PKD2L1: variants seen among roughly 807,000 people sequenced by gnomAD.
PKD2L1 encodes the protein polycystin 2 like 1, transient receptor potential cation channel.
A neutral mutation model predicts 93.0 loss-of-function variants in PKD2L1; 77 were observed. That is an observed-to-expected ratio of 0.83 (90% CI 0.69 to 1.00). The LOEUF (loss-of-function observed/expected upper bound fraction) is 1.00. PKD2L1 is among the 50% of genes least tolerant of loss of function. PKD2L1 has a pLI of 0.00. For missense variants in PKD2L1, 977 were observed against 990.9 expected (o/e 0.99, Z 0.19); for synonymous variants, 390 against 388.0 (o/e 1.01, Z -0.06).
chr10:100,315,088 A>G (rs1589677500), intron 2 of PKD2L1, among the ~76,000 whole-genome samples: 2 of 55,944 alleles, frequency 3.6e-5, no homozygotes, highest in Non-Finnish European at 7.5e-5. Context: ...AGGGAAGGGA[A>G]GGGAAGGGAA....
chr10:100,322,044 G>A (rs558890316), intron 2 of PKD2L1, among the ~76,000 whole-genome samples: 7 of 151,796 alleles, frequency 4.6e-5, no homozygotes, highest in African/African-American at 9.7e-5. Flanking sequence ...TGGGCAACAC[G>A]GGGAAGCCCC....
chr10:100,327,074 A>G (rs1849395637), intron 2 of PKD2L1, among the ~76,000 whole-genome samples: 1 of 152,186 alleles, frequency 6.6e-6, no homozygotes, highest in South Asian at 2.1e-4. Flanking sequence ...TGAGCCTCTG[A>G]GGGGAAAGGC....
At chr10:100,322,224 C>T (rs953245961) in intron 2 of PKD2L1, among the ~76,000 whole-genome samples, 1 of 151,638 alleles carries the variant, frequency 6.6e-6, no homozygotes, top group Non-Finnish European at 1.5e-5. Context: ...GGTCTCAAAA[C>T]AACAACAACA....
chr10:100,288,896 G>T, intron 15 of PKD2L1, 76 bp downstream of exon 15: 1 of 870,304 alleles, frequency 1.1e-6, no homozygotes, highest in Non-Finnish European at 1.8e-6. Flanking sequence ...GAAGTGCAGG[G>T]GATGTGGCGA....
At chr10:100,298,927 A>T in intron 3 of PKD2L1, 112 bp from the exon 4 acceptor site, 1 of 864,626 alleles carries the variant, frequency 1.2e-6, no homozygotes, top group Middle Eastern at 3.9e-4. Flanking sequence ...TCTGCTTTTT[A>T]AAAAATTATT....
At chr10:100,296,837 A>G (rs1589663652) in intron 6 of PKD2L1, 143 bp downstream of exon 6, 1 of 618,276 alleles carries the variant, frequency 1.6e-6, no homozygotes, top group South Asian at 2.0e-5. Context: ...TGTCCCTCTC[A>G]CTTAGGGAGC....
At chr10:100,322,665 A>T (rs1286850917) in intron 2 of PKD2L1, among the ~76,000 whole-genome samples, 1 of 152,238 alleles carries the variant, frequency 6.6e-6, no homozygotes, top group Non-Finnish European at 1.5e-5. Context: ...TTTTAAATAC[A>T]CCAATAAAAA....
At chr10:100,312,188 G>A (rs997590830) in intron 2 of PKD2L1, among the ~76,000 whole-genome samples, 5 of 152,184 alleles carry the variant, frequency 3.3e-5, no homozygotes, top group African/African-American at 7.2e-5. Context: ...TGTTGAAACC[G>A]TGCATTTCAT....
intron 2 of PKD2L1, among the ~76,000 whole-genome samples, chr10:100,310,932 C>T (rs777271973): frequency 1.3e-5 from 2 of 152,096 alleles, no homozygotes; most frequent in Admixed American, 6.6e-5. Flanking sequence ...CCAGGTTTCA[C>T]GTTGCCCAGG....
chr10:100,290,476 A>G lies in PKD2L1; in HGVS notation c.2051T>C (p.Val684Ala), dbSNP rs1307315550. The change falls in exon 13 of 16, where the codon GTG becomes GCG. Residue 684 changes from valine to alanine, a missense_variant. Physicochemically the swap from Val to Ala is moderately conservative, Grantham distance 64. Coordinates refer to ENST00000318222, the MANE Select transcript of PKD2L1 (RefSeq NM_016112.3). ...TEIEKLGRSI[V>A]SSPQGKSGPE... is the part of the protein sequence containing the mutation. Reference sequence around the variant, plus strand: ...ACCCGATTTGCCTTGTGGGCTGCTCACAATAGATCGGCCTAGTTTCTCAAT... The same window carrying G: ...ACCCGATTTGCCTTGTGGGCTGCTCGCAATAGATCGGCCTAGTTTCTCAAT... 6.2e-7 allele frequency: 1 copy of G among 1,613,694 alleles called. No homozygotes were observed.
At position 100,288,321 on chromosome 10, in the gene PKD2L1, T is replaced by G. The variant is rs181613513; in HGVS notation, c.*75A>C. 2.2e-6 allele frequency: 2 copies of G among 918,452 alleles called. No homozygotes were observed. Among genetic ancestry groups the G allele is most frequent in the East Asian group, 2.4e-5 (1 of 41,602 alleles). The allele number at this position is 918,452 out of a possible 1,614,324, so 56.9% of individuals were successfully genotyped here. On this transcript the variant is annotated 3_prime_UTR_variant, in exon 16 of 16. Coordinates refer to ENST00000318222, the MANE Select transcript of PKD2L1 (RefSeq NM_016112.3). Reference sequence around the variant, plus strand: ...TCTCCTGGTTAAAGCCCACTCAGTTTCCAGGTTCAGTGGACCAGGAGGCAG... The same window carrying G: ...TCTCCTGGTTAAAGCCCACTCAGTTGCCAGGTTCAGTGGACCAGGAGGCAG...
At chr10:100,310,606 A>G (rs1053566282) in intron 2 of PKD2L1, among the ~76,000 whole-genome samples, 3 of 152,072 alleles carry the variant, frequency 2.0e-5, no homozygotes, top group Non-Finnish European at 2.9e-5. Context: ...GCACACACGC[A>G]CACACACACA....
chr10:100,305,236 T>A (rs553090355), intron 2 of PKD2L1, among the ~76,000 whole-genome samples: 3 of 151,788 alleles, frequency 2.0e-5, no homozygotes, highest in African/African-American at 7.3e-5. Flanking sequence ...CTCAGGCTCC[T>A]GAGTAGCTGG....
In PKD2L1 at chr10:100,295,095, G is replaced by A. The variant is rs989041009; in HGVS notation, c.1385C>T (p.Thr462Ile). ...CAGCGTGGAGGAGAGCTGGGTCATG[G>A]TTTTGTTGAAGCTGATGTACTTGAA... ...KIFKYISFNK[T>I]MTQLSSTLAR... is the part of the protein sequence containing the mutation. Residue 462 changes from threonine (T) to isoleucine (I), a missense_variant, in exon 8 of 16, where the codon ACC becomes ATC. By Grantham distance (89) the Thr-to-Ile change is moderately conservative (BLOSUM62 -1). Transcript: ENST00000318222. The A allele has an allele frequency of 5.0e-6, 8 of 1,613,964 alleles. No individual in the cohort carries two copies. The highest frequency in any genetic ancestry group is 5.9e-6 in the Non-Finnish European group (7 of 1,179,954).
intron 14 of PKD2L1, 100 bp from the exon 15 acceptor site, chr10:100,289,156 C>A (rs1848347822): frequency 1.3e-6 from 1 of 746,880 alleles, no homozygotes; most frequent in Admixed American, 2.6e-5. Context: ...CTGCTATAGA[C>A]TGTTTGCGTC....
At chr10:100,313,671 TGA>T (rs148900220) in intron 2 of PKD2L1, among the ~76,000 whole-genome samples, 7,670 of 152,232 alleles carry the variant, frequency 0.05, 640 homozygotes, top group African/African-American at 0.17. Flanking sequence ...CTCAACATTT[TGA>T]GGAGTGCAAA....
intron 2 of PKD2L1, among the ~76,000 whole-genome samples, chr10:100,328,076 G>A (rs141448453): frequency 1.3e-3 from 198 of 152,280 alleles, no homozygotes; most frequent in Non-Finnish European, 2.1e-3. Context: ...TTAGTTGTAC[G>A]ATTCAACCTA....
At chr10:100,297,766 A>G (rs1848585519) in intron 4 of PKD2L1, among the ~76,000 whole-genome samples, 160 bp from the exon 5 acceptor site, 1 of 151,640 alleles carries the variant, frequency 6.6e-6, no homozygotes, top group Admixed American at 6.6e-5. Context: ...TGATATATAC[A>G]TATATAATGT....
intron 1 of PKD2L1, 119 bp from the exon 2 acceptor site, chr10:100,329,443 C>G (rs1849455254): frequency 7.1e-7 from 1 of 1,401,788 alleles, no homozygotes; most frequent in Non-Finnish European, 9.8e-7. Flanking sequence ...TGCCCATCAC[C>G]TTCATCCTTG....
Sources: allele counts gnomAD v4.1 joint callset (sites outside exome capture counted in the v4.1 genomes callset), GRCh38; gene constraint gnomAD v4.1.1; transcripts MANE v1.5; gene names NCBI Gene and HGNC (gene_info 2026-07-23, HGNC 2026-07-21).